PACRG: variants seen among roughly 807,000 people sequenced by gnomAD.
PACRG encodes the protein parkin coregulated.
In PACRG, 29 loss-of-function variants were observed where a neutral mutation model predicts 29.7. That is an observed-to-expected ratio of 0.98 (90% CI 0.73 to 1.33). The LOEUF (loss-of-function observed/expected upper bound fraction) is 1.33. PACRG is among the 40% of genes most tolerant of loss of function. PACRG has a pLI of 0.00. For synonymous variants in PACRG, 116 were observed against 118.7 expected (o/e 0.98, Z 0.15); for missense variants, 279 against 316.2 (o/e 0.88, Z 0.89).
intron 2 of PACRG, among the ~76,000 whole-genome samples, chr6:162,988,195 CT>C (rs2080125955): frequency 6.6e-6 from 1 of 152,158 alleles, no homozygotes; most frequent in African/African-American, 2.4e-5. Flanking sequence ...CATGTTAGCC[CT>C]GTCTTCTATC....
rs371079003 is a variant in PACRG, at chr6:163,108,669, G to A, written c.613+19261G>A. The stretch of plus-strand genomic sequence containing the variant: ...CTCTCAAAGTGCTGGGATTATAGGC[G>A]TGAGCCACTGTGCCTGGCTGAACCT... On this transcript the variant is annotated intron_variant, in intron 4 of 4. Transcript: ENST00000366888. Among the ~76,000 whole-genome samples, 12 of 152,198 alleles carry A rather than the reference G, an allele frequency of 7.9e-5. No individual in the cohort carries two copies. In the East Asian group the frequency reaches 9.7e-4, roughly 12 times the overall value.
chr6:163,262,244 G>T (rs1337706467), intron 4 of PACRG, among the ~76,000 whole-genome samples: 1 of 152,214 alleles, frequency 6.6e-6, no homozygotes, highest in East Asian at 1.9e-4. Context: ...TTCAGAGAAA[G>T]AAAGGGGAGC....
chr6:162,879,524 A>G (rs150207460), intron 2 of PACRG, among the ~76,000 whole-genome samples: 14 of 152,344 alleles, frequency 9.2e-5, no homozygotes, highest in Admixed American at 7.2e-4. Context: ...TATTCTGTTC[A>G]TCTACACTGA....
chr6:163,014,223 A>C (rs527815334), intron 2 of PACRG, among the ~76,000 whole-genome samples: 7 of 152,160 alleles, frequency 4.6e-5, no homozygotes, highest in South Asian at 2.1e-4. Context: ...TCTATGGTGT[A>C]TATGTACCAC....
intron 2 of PACRG, among the ~76,000 whole-genome samples, chr6:162,877,118 A>T (rs556552738): frequency 6.6e-6 from 1 of 152,194 alleles, no homozygotes; most frequent in Non-Finnish European, 1.5e-5. Flanking sequence ...TCATTCTACT[A>T]TAAAGACACA....
At chr6:163,126,039 C>T (rs778802382) in intron 4 of PACRG, among the ~76,000 whole-genome samples, 10 of 152,172 alleles carry the variant, frequency 6.6e-5, no homozygotes, top group Non-Finnish European at 1.0e-4. Flanking sequence ...GACAGATGGT[C>T]TGTGTGTCTG....
At chr6:162,995,342 C>T (rs9365527) in intron 2 of PACRG, among the ~76,000 whole-genome samples, 50,512 of 150,540 alleles carry the variant, frequency 0.34, 9,598 homozygotes, top group East Asian at 0.68. Flanking sequence ...CCCCCAGCCT[C>T]GCTGCCGCCT....
At chr6:163,108,044 T>C (rs535479) in intron 4 of PACRG, among the ~76,000 whole-genome samples, 66,045 of 151,916 alleles carry the variant, frequency 0.43, 14,775 homozygotes, top group African/African-American at 0.55. Context: ...ATAAGGGAGG[T>C]GGTTTGAGGC....
chr6:162,976,114 C>G (rs1395159531), intron 2 of PACRG, among the ~76,000 whole-genome samples: 1 of 152,042 alleles, frequency 6.6e-6, no homozygotes, highest in Non-Finnish European at 1.5e-5. Context: ...ATCCTGAAAC[C>G]CGGAGGCCGT....
intron 4 of PACRG, among the ~76,000 whole-genome samples, chr6:163,120,889 G>C (rs923903971): frequency 6.6e-6 from 1 of 152,082 alleles, no homozygotes; most frequent in African/African-American, 2.4e-5. Context: ...AGGGAACAAT[G>C]CCATACCTCA....
intron 2 of PACRG, among the ~76,000 whole-genome samples, chr6:162,871,652 C>A (rs750584184): frequency 1.3e-5 from 2 of 151,818 alleles, no homozygotes; most frequent in Admixed American, 1.3e-4. Context: ...GGCGCGGTGG[C>A]TCACGCCTGT....
intron 2 of PACRG, among the ~76,000 whole-genome samples, chr6:163,004,611 G>A (rs754677903): frequency 1.5e-4 from 22 of 151,672 alleles, no homozygotes; most frequent in Admixed American, 2.0e-4. Flanking sequence ...CTTGACATGT[G>A]GGGATTATGG....
At chr6:162,897,177 G>A (rs1795233560) in intron 2 of PACRG, among the ~76,000 whole-genome samples, 1 of 152,166 alleles carries the variant, frequency 6.6e-6, no homozygotes, top group Admixed American at 6.5e-5. Context: ...GAGAAATTTG[G>A]AATTCCCCAA....
rs1467902899 is a variant in PACRG, at chr6:163,191,629, G to A, written c.613+102221G>A. The A allele has an allele frequency of 3.9e-5, 18 of 456,096 alleles. No individual in the cohort carries two copies. In the East Asian group the frequency reaches 1.2e-3, roughly 30 times the overall value. The allele number at this position is 456,096 out of a possible 1,614,324, so 28.3% of individuals were successfully genotyped here. On this transcript the variant is annotated intron_variant, in intron 4 of 4. Transcript: ENST00000366888. Reference sequence around the variant, plus strand: ...GCTGAGACCTCCTGACTCAGGCACTGTGGCTGCACTCCACCAGGTGACTTA... The same window carrying A: ...GCTGAGACCTCCTGACTCAGGCACTATGGCTGCACTCCACCAGGTGACTTA...
intron 2 of PACRG, among the ~76,000 whole-genome samples, chr6:162,893,339 A>C (rs1231410859): frequency 6.6e-6 from 1 of 152,118 alleles, no homozygotes; most frequent in East Asian, 1.9e-4. Context: ...CAGACAGGGC[A>C]GGGTAAATGG....
At chr6:163,221,136 A>G (rs1781568189) in intron 4 of PACRG, among the ~76,000 whole-genome samples, 1 of 152,254 alleles carries the variant, frequency 6.6e-6, no homozygotes, top group African/African-American at 2.4e-5. Flanking sequence ...TGTCTCAGTC[A>G]TCTAGAAAGC....
At chr6:162,951,270 C>G (rs1799625630) in intron 2 of PACRG, among the ~76,000 whole-genome samples, 1 of 152,206 alleles carries the variant, frequency 6.6e-6, no homozygotes, top group Admixed American at 6.5e-5. Flanking sequence ...TCTATCAAGT[C>G]TATTTATGCA....
intron 4 of PACRG, among the ~76,000 whole-genome samples, chr6:163,300,875 C>CTCT (rs55845257): frequency 0.047 from 3,903 of 83,488 alleles, 48 homozygotes; most frequent in African/African-American, 0.082. Flanking sequence ...CCACTGCTTC[C>CTCT]CATGAGTTTA....
intron 2 of PACRG, among the ~76,000 whole-genome samples, chr6:163,060,506 A>G (rs1811003730): frequency 6.6e-6 from 1 of 152,228 alleles, no homozygotes; most frequent in South Asian, 2.1e-4. Flanking sequence ...TATAAATATA[A>G]AAGGAAAGTA....
Sources: gnomAD v4.1 joint callset for allele counts (sites outside exome capture counted in the v4.1 genomes callset) on GRCh38, gnomAD v4.1.1 for gene constraint, MANE v1.5 for transcripts, NCBI Gene and HGNC (gene_info 2026-07-23, HGNC 2026-07-21) for gene names.